Variants in ME3 observed in about 807,000 individuals in gnomAD.
ME3 encodes malic enzyme 3.
A neutral mutation model predicts 68.9 loss-of-function variants in ME3; 48 were observed. The observed-to-expected ratio is 0.70, with a 90% CI of 0.55 to 0.89. The LOEUF (loss-of-function observed/expected upper bound fraction) is 0.89, where lower values mean the gene tolerates loss of function less well. Among genes scored for constraint, ME3 ranks in the 40% least tolerant of loss-of-function variants. The pLI, the probability that ME3 is intolerant of heterozygous loss-of-function variation, is 0.00. For synonymous variants in ME3, 320 were observed against 318.8 expected, an observed-to-expected ratio of 1.00 and a Z score of -0.04; for missense variants, 675 against 797.4, an observed-to-expected ratio of 0.85 and a Z score of 1.85.
intron 10 of ME3, among the ~76,000 whole-genome samples, chr11:86,449,048 A>G (rs994311224): frequency 6.6e-6 from 1 of 152,202 alleles, no homozygotes; most frequent in Non-Finnish European, 1.5e-5. Context: ...CTCCAAGGCT[A>G]AGTTCCTTTC....
At chr11:86,516,383 GTA>G (rs373878994) in intron 4 of ME3, among the ~76,000 whole-genome samples, 35,672 of 150,100 alleles carry the variant, frequency 0.24, 4,454 homozygotes, top group African/African-American at 0.32. Flanking sequence ...GTGTGTGTGT[GTA>G]TATATATATA....
intron 2 of ME3, among the ~76,000 whole-genome samples, chr11:86,560,770 A>ATATATATATATTTATT (rs1405684410): frequency 3.0e-5 from 4 of 132,096 alleles, no homozygotes; most frequent in Admixed American, 7.8e-5. Context: ...ATATATATAT[A>ATATATATATATTTATT]TATTTCCAGG....
At position 86,518,813 on chromosome 11, in the gene ME3, T is replaced by C. The variant is rs995949305; in HGVS notation, c.468-9946A>G. Among the ~76,000 whole-genome samples, 17 of 152,240 alleles carry C rather than the reference T, an allele frequency of 1.1e-4. 2 individuals carry two copies. The highest frequency in any genetic ancestry group is 5.2e-4 in the Admixed American group (8 of 15,288). ...AGTGTGGGCCCTAATCTAAAAGCAC[T>C]GGTATCCTTATAAGAAGAGGAGAAG... On this transcript the variant is annotated intron_variant, in intron 4 of 14. Transcript: ENST00000543262.
At chr11:86,511,379 T>C (rs962505594) in intron 4 of ME3, among the ~76,000 whole-genome samples, 9 of 152,220 alleles carry the variant, frequency 5.9e-5, no homozygotes, top group Non-Finnish European at 1.2e-4. Flanking sequence ...CTGGTCTTTT[T>C]CCATTCCTTT....
At chr11:86,578,403 G>T (rs972536518) in intron 2 of ME3, among the ~76,000 whole-genome samples, 2 of 152,094 alleles carry the variant, frequency 1.3e-5, no homozygotes, top group African/African-American at 4.8e-5. Context: ...ACTGTGACCA[G>T]AAGGAAGAAA....
At chr11:86,569,534 T>G (rs901042855) in intron 2 of ME3, among the ~76,000 whole-genome samples, 2 of 152,160 alleles carry the variant, frequency 1.3e-5, no homozygotes, top group African/African-American at 4.8e-5. Context: ...TTTGATTTCT[T>G]GAGTTGTAAC....
intron 2 of ME3, among the ~76,000 whole-genome samples, chr11:86,630,253 A>G (rs1434665226): frequency 6.6e-6 from 1 of 152,216 alleles, no homozygotes; most frequent in Non-Finnish European, 1.5e-5. Context: ...AAAAGCAAGC[A>G]GCAGAAGCAT....
intron 2 of ME3, among the ~76,000 whole-genome samples, chr11:86,581,471 A>G (rs1044614303): frequency 2.2e-4 from 34 of 152,202 alleles, no homozygotes; most frequent in African/African-American, 7.0e-4. Flanking sequence ...AAAATAACTC[A>G]TAATGTGTGT....
At chr11:86,619,990 A>T (rs1052656391) in intron 2 of ME3, among the ~76,000 whole-genome samples, 13 of 152,076 alleles carry the variant, frequency 8.5e-5, no homozygotes, top group African/African-American at 3.1e-4. Context: ...TAAATTTTCC[A>T]GTGTAGTTAT....
intron 3 of ME3, 91 bp from the exon 4 acceptor site, chr11:86,556,793 TC>T (rs1160899512): frequency 1.4e-6 from 2 of 1,415,374 alleles, no homozygotes; most frequent in African/African-American, 2.8e-5. Context: ...AGGCTCCTGT[TC>T]CTGCTCAGCC....
At chr11:86,603,946 G>A (rs539142545) in intron 2 of ME3, among the ~76,000 whole-genome samples, 109 of 111,136 alleles carry the variant, frequency 9.8e-4, no homozygotes, top group Non-Finnish European at 1.6e-3. Context: ...GGACTGTTGT[G>A]GGGTGGGGGG....
chr11:86,475,680 C>A (rs553348729), intron 7 of ME3, among the ~76,000 whole-genome samples: 1 of 151,908 alleles, frequency 6.6e-6, no homozygotes, highest in Admixed American at 6.6e-5. Flanking sequence ...ATAATTTTCT[C>A]TTTGGGTCTC....
At chr11:86,521,419 A>AAAAC (rs1954285011) in intron 4 of ME3, among the ~76,000 whole-genome samples, 2 of 86,200 alleles carry the variant, frequency 2.3e-5, no homozygotes, top group African/African-American at 9.1e-5. Flanking sequence ...AAAACAAAAC[A>AAAAC]AAACAAAACA....
intron 7 of ME3, among the ~76,000 whole-genome samples, chr11:86,475,183 G>T (rs1317852454): frequency 6.6e-6 from 1 of 152,198 alleles, no homozygotes; most frequent in East Asian, 1.9e-4. Context: ...TTGGATCATG[G>T]GGGAGGAGTT....
intron 2 of ME3, among the ~76,000 whole-genome samples, chr11:86,645,814 C>A (rs545760513): frequency 6.6e-6 from 1 of 152,170 alleles, no homozygotes; most frequent in South Asian, 2.1e-4. Flanking sequence ...CAGCTGGCAT[C>A]TGGGAGGTGC....
At chr11:86,653,156 A>G (rs1945585443) in intron 2 of ME3, among the ~76,000 whole-genome samples, 2 of 152,342 alleles carry the variant, frequency 1.3e-5, no homozygotes, top group South Asian at 2.1e-4. Flanking sequence ...GGAGACTTTA[A>G]CACCCCACTG....
chr11:86,589,418 AT>A (rs1028758094), intron 2 of ME3, among the ~76,000 whole-genome samples: 1 of 152,184 alleles, frequency 6.6e-6, no homozygotes, highest in Admixed American at 6.5e-5. Flanking sequence ...GAATGAATGA[AT>A]ATCAGTCCCC....
chr11:86,484,516 T>TC (rs1315345364), intron 7 of ME3, among the ~76,000 whole-genome samples: 1 of 152,088 alleles, frequency 6.6e-6, no homozygotes, highest in Non-Finnish European at 1.5e-5. Context: ...TCCCCAAGGA[T>TC]CCCGCCCCCC....
intron 5 of ME3, among the ~76,000 whole-genome samples, chr11:86,502,716 GT>G (rs1206106591): frequency 6.6e-6 from 1 of 152,192 alleles, no homozygotes; most frequent in Admixed American, 6.5e-5. Flanking sequence ...CATTTTCCTT[GT>G]TTGGAAGAGT....
Sources: gnomAD v4.1 joint callset for allele counts (sites outside exome capture counted in the v4.1 genomes callset) on GRCh38, gnomAD v4.1.1 for gene constraint, MANE v1.5 for transcripts, NCBI Gene and HGNC (gene_info 2026-07-23, HGNC 2026-07-21) for gene names.